Variants in TDRD7 observed in about 807,000 individuals in gnomAD.
The protein encoded by TDRD7 is tudor domain-containing protein 7.
Under a neutral mutation model 109.8 loss-of-function variants are expected in TDRD7, and 47 were observed. The observed-to-expected ratio is 0.43, with a 90% CI of 0.34 to 0.55. The LOEUF is 0.55. Among genes scored for constraint, TDRD7 ranks in the 20% least tolerant of loss-of-function variants. The pLI is 0.03. For missense variants in TDRD7, 1,164 were observed against 1,319.2 expected (o/e 0.88, Z 1.82); for synonymous variants, 424 against 457.3 (o/e 0.93, Z 0.93).
chr9:97,493,232 C>T (rs1247394540), intron 16 of TDRD7, among the ~76,000 whole-genome samples: 3 of 151,970 alleles, frequency 2.0e-5, no homozygotes, highest in Non-Finnish European at 2.9e-5. Flanking sequence ...AATTCACCCC[C>T]GATATTTCAT....
At chr9:97,473,721 A>G (rs1828962216) in intron 11 of TDRD7, 95 bp downstream of exon 11, 2 of 1,544,354 alleles carry the variant, frequency 1.3e-6, no homozygotes, top group East Asian at 4.6e-5. Context: ...TTTTTTTTGT[A>G]TGAACGATTT....
chr9:97,487,281 GTGGACA>G lies in TDRD7; in HGVS notation c.3028_3033del (p.Asp1010_Met1011del). 1 of 1,614,006 alleles carries G rather than the reference GTGGACA, an allele frequency of 6.2e-7. No individual in the cohort carries two copies. Among genetic ancestry groups the G allele is most frequent in the Non-Finnish European group, 8.5e-7 (1 of 1,179,932 alleles). On this transcript the variant is annotated inframe_deletion, in exon 16 of 17. Coordinates refer to ENST00000355295, the MANE Select transcript of TDRD7 (RefSeq NM_014290.3). ...CAACATAAGAAAAGTACAGCCCCTA[GTGGACA>G]TGTTCCGAAAGCTGCCCTTCCAAGC...
At position 97,460,890 on chromosome 9, in the gene TDRD7, C is replaced by T. The variant is rs1828707647; in HGVS notation, c.1442+126C>T. 1.6e-5 allele frequency: 14 copies of T among 895,064 alleles called. No individual in the cohort carries two copies. In the South Asian group the frequency reaches 1.9e-4, roughly 12 times the overall value. 55.4% of individuals were successfully genotyped at this position (895,064 alleles called of 1,614,324 possible). ...GGTGCGGTGGCTCACACCTGTAATC[C>T]CAGCACTTTGGGAGGCCGAGGTGGG... On this transcript the variant is annotated intron_variant, in intron 7 of 16. Coordinates refer to ENST00000355295, the MANE Select transcript of TDRD7 (RefSeq NM_014290.3).
chr9:97,440,953 A>G (rs564110860), intron 5 of TDRD7, among the ~76,000 whole-genome samples: 1 of 152,326 alleles, frequency 6.6e-6, no homozygotes, highest in Admixed American at 6.5e-5. Context: ...AGTAAAAACG[A>G]AATGCAAAAT....
At chr9:97,434,593 A>G (rs1828162094) in intron 4 of TDRD7, among the ~76,000 whole-genome samples, 1 of 152,182 alleles carries the variant, frequency 6.6e-6, no homozygotes, top group African/African-American at 2.4e-5. Flanking sequence ...ATCATATTGC[A>G]TACCATAAAT....
chr9:97,485,149 G>A (rs1392284479), intron 15 of TDRD7, among the ~76,000 whole-genome samples: 1 of 152,208 alleles, frequency 6.6e-6, no homozygotes, highest in Non-Finnish European at 1.5e-5. Context: ...ACTATGGTAA[G>A]TTAAGACTTA....
At chr9:97,413,944 A>G (rs1468794709) in intron 1 of TDRD7, among the ~76,000 whole-genome samples, 1 of 152,216 alleles carries the variant, frequency 6.6e-6, no homozygotes, top group Non-Finnish European at 1.5e-5. Flanking sequence ...CCCCTCTTTT[A>G]AGTTCTCTGT....
chr9:97,427,662 C>G (rs1486824740), intron 1 of TDRD7, among the ~76,000 whole-genome samples: 1 of 152,160 alleles, frequency 6.6e-6, no homozygotes, highest in Non-Finnish European at 1.5e-5. Context: ...TACTCTCTAC[C>G]TTACTTCTAA....
chr9:97,439,804 G>T (rs1318947978), intron 5 of TDRD7, among the ~76,000 whole-genome samples: 1 of 152,084 alleles, frequency 6.6e-6, no homozygotes. Flanking sequence ...TAATTCTTTG[G>T]GTAATAGAAT....
intron 1 of TDRD7, among the ~76,000 whole-genome samples, chr9:97,413,139 T>C (rs1292912794): frequency 6.6e-6 from 1 of 152,190 alleles, no homozygotes; most frequent in Non-Finnish European, 1.5e-5. Flanking sequence ...AACACCTCTC[T>C]GCTCTCCAAT....
intron 12 of TDRD7, among the ~76,000 whole-genome samples, chr9:97,476,850 ATAACT>A (rs1829030909): frequency 6.6e-6 from 1 of 152,170 alleles, no homozygotes; most frequent in Non-Finnish European, 1.5e-5. Context: ...CAACATTTTG[ATAACT>A]TAATTGAATT....
rs1301437707 is a variant in TDRD7 at position 97,483,223 on chromosome 9, C to T, written c.2787C>T (p.Ile929=). The change falls in exon 15 of 17, where the codon ATC becomes ATT. Residue 929 remains isoleucine (I), a synonymous_variant. Transcript: ENST00000355295. The stretch of plus-strand genomic sequence containing the variant: ...CCTGTCACCCAGGCTACTTCGTCAT[C>T]CAGCCTTGGCAGGAGATACATAAGT... The part of the protein sequence containing the change: ...PVACHPGYFV[I]QPWQEIHKLE... 6.2e-7 allele frequency: 1 copy of T among 1,613,152 alleles called. No individual in the cohort carries two copies. Among genetic ancestry groups the T allele is most frequent in the African/African-American group, 1.3e-5 (1 of 74,862 alleles).
intron 1 of TDRD7, among the ~76,000 whole-genome samples, chr9:97,419,981 TTATTATAG>T (rs1827871741): frequency 6.6e-6 from 1 of 152,140 alleles, no homozygotes; most frequent in African/African-American, 2.4e-5. Context: ...CCTCCCAGCA[TTATTATAG>T]ATACTAGATT....
At chr9:97,441,900 T>G in intron 6 of TDRD7, 25 bp downstream of exon 6, 3 of 1,589,572 alleles carry the variant, frequency 1.9e-6, no homozygotes, top group South Asian at 1.1e-5. Flanking sequence ...ATTCCTCCCT[T>G]CTGATACCTC....
chr9:97,487,814 C>A (rs1829237544), intron 16 of TDRD7, among the ~76,000 whole-genome samples: 1 of 151,992 alleles, frequency 6.6e-6, no homozygotes, highest in African/African-American at 2.4e-5. Flanking sequence ...ATGGAAACAA[C>A]CTATTATAAT....
Position 97,412,754 on chromosome 9 carries a change from G to A in TDRD7, c.-7+516G>A, listed in dbSNP as rs995480194. Reference sequence around the variant, plus strand: ...GACGAGCCCCAGGCAGGCCGCTTAAGTAATGCAGGACACACATCCCCATTT... The same window carrying A: ...GACGAGCCCCAGGCAGGCCGCTTAAATAATGCAGGACACACATCCCCATTT... On this transcript the variant is annotated intron_variant, in intron 1 of 16. Transcript: ENST00000355295. The surrounding 1 kb of genome is among the most constrained non-coding windows in gnomAD (Gnocchi z 4.3). 1.3e-5 allele frequency among the ~76,000 whole-genome samples: 2 copies of A among 152,210 alleles called. No individual in the cohort carries two copies. The highest frequency in any genetic ancestry group is 4.8e-5 in the African/African-American group (2 of 41,450).
At position 97,487,189 on chromosome 9, in the gene TDRD7, T is replaced by C. The variant is rs1418452082; in HGVS notation, c.2933T>C (p.Leu978Ser). ...ACATCTAGGTGGCACAGGGTGCTTT[T>C]AAAAGGAATCCTGACCAATGGACTG... ...KVENKWHRVL[L>S]KGILTNGLVS... Residue 978 changes from leucine (L) to serine (S), a missense_variant, in exon 16 of 17, where the codon TTA (leucine) becomes TCA (serine). Leu to Ser is a moderately radical substitution (Grantham distance 145). Coordinates refer to ENST00000355295, the MANE Select transcript of TDRD7 (RefSeq NM_014290.3). 2.8e-5 allele frequency: 45 copies of C among 1,613,890 alleles called. 1 individual carries two copies. Among genetic ancestry groups the C allele is most frequent in the East Asian group, 4.5e-5 (2 of 44,896 alleles).
At chr9:97,422,253 G>T (rs1249357905) in intron 1 of TDRD7, among the ~76,000 whole-genome samples, 3 of 152,096 alleles carry the variant, frequency 2.0e-5, no homozygotes, top group Non-Finnish European at 4.4e-5. Context: ...AAATTAGCCA[G>T]GCATGGTGGC....
At chr9:97,441,354 A>C (rs551519968) in intron 5 of TDRD7, among the ~76,000 whole-genome samples, 2 of 151,962 alleles carry the variant, frequency 1.3e-5, no homozygotes, top group Admixed American at 1.3e-4. Context: ...TAAATAATTT[A>C]ATTATTCTTT....
Sources: gnomAD v4.1 joint callset for allele counts (sites outside exome capture counted in the v4.1 genomes callset) on GRCh38, gnomAD v4.1.1 for gene constraint, Gnocchi (gnomAD v3.1) non-coding constraint, MANE v1.5 for transcripts, NCBI Gene and HGNC (gene_info 2026-07-23, HGNC 2026-07-21) for gene names.